Variants in CSMD3 observed in about 807,000 individuals in gnomAD.
CSMD3 encodes CUB and sushi domain-containing protein 3.
CSMD3 carries 177 observed loss-of-function variants against 435.2 expected under a neutral mutation model. The ratio of observed to expected loss-of-function variants is 0.41; its 90% confidence interval spans 0.36 to 0.46. The LOEUF is 0.46. Among genes scored for constraint, CSMD3 ranks in the 20% least tolerant of loss-of-function variants. The pLI, the probability that CSMD3 is intolerant of heterozygous loss-of-function variation, is 0.34. For missense variants in CSMD3, 4,265 were observed against 4,504.6 expected, an observed-to-expected ratio of 0.95 and a Z score of 1.52; for synonymous variants, 1,656 against 1,520.5, an observed-to-expected ratio of 1.09 and a Z score of -2.07.
At chr8:112,953,506 C>A (rs2083901249) in intron 8 of CSMD3, among the ~76,000 whole-genome samples, 1 of 151,340 alleles carries the variant, frequency 6.6e-6, no homozygotes, top group Admixed American at 6.6e-5. Flanking sequence ...CTGTTTAGTG[C>A]TTTTGAAACA....
At chr8:113,209,343 C>G (rs2092805921) in intron 3 of CSMD3, among the ~76,000 whole-genome samples, 1 of 152,060 alleles carries the variant, frequency 6.6e-6, no homozygotes, top group South Asian at 2.1e-4. Context: ...TACTATGGTA[C>G]ATGACTTATT....
intron 1 of CSMD3, among the ~76,000 whole-genome samples, chr8:113,418,158 A>T (rs891767758): frequency 6.6e-6 from 1 of 152,148 alleles, no homozygotes; most frequent in African/African-American, 2.4e-5. Flanking sequence ...GGGAGATCGA[A>T]TATGCATAAA....
intron 13 of CSMD3, among the ~76,000 whole-genome samples, chr8:112,785,027 A>T (rs2078501500): frequency 6.6e-6 from 1 of 152,036 alleles, no homozygotes; most frequent in Non-Finnish European, 1.5e-5. Context: ...AATACTCCCA[A>T]ACCTAATTCA....
chr8:112,293,117 G>A (rs993936743), intron 54 of CSMD3, among the ~76,000 whole-genome samples: 2 of 151,958 alleles, frequency 1.3e-5, no homozygotes, highest in African/African-American at 2.4e-5. Flanking sequence ...CTAGCCAGGT[G>A]TGGTGACTCA....
In CSMD3 at chr8:112,409,038, C is replaced by A. The variant is rs374931419; in HGVS notation, c.5396-6G>T. 1.9e-6 allele frequency: 3 copies of A among 1,613,142 alleles called. No individual in the cohort carries two copies. In the African/African-American group the frequency reaches 4.0e-5, roughly 22 times the overall value. On this transcript the variant is annotated splice_polypyrimidine_tract_variant and splice_region_variant and intron_variant, in intron 32 of 70. Transcript: ENST00000297405. ...TACAAACTGGCCAAACACCACTGAT[C>A]AACAGGAACCCGGAGAAGCAAACAA...
At chr8:112,501,807 G>A (rs527256114) in intron 30 of CSMD3, among the ~76,000 whole-genome samples, 1 of 152,188 alleles carries the variant, frequency 6.6e-6, no homozygotes, top group South Asian at 2.1e-4. Context: ...TCTATCAGCA[G>A]AAAAATTTAT....
chr8:112,789,695 T>C (rs1770309133), intron 13 of CSMD3, among the ~76,000 whole-genome samples: 1 of 152,050 alleles, frequency 6.6e-6, no homozygotes, highest in South Asian at 2.1e-4. Flanking sequence ...ATTATTGACA[T>C]AATGCTGTTT....
rs979658179 is a variant in CSMD3, at chr8:113,046,164, C to G, written c.918-26985G>C. ...GCCCAGTCAGCGGCCTCCTTCAGAC[C>G]TCTGCTGGGATACGACTGTCTCAGT... On this transcript the variant is annotated intron_variant, in intron 5 of 70. Transcript: ENST00000297405. Among the ~76,000 whole-genome samples, 3 of 149,010 alleles carry G rather than the reference C, an allele frequency of 2.0e-5. 1 individual carries two copies. The highest frequency in any genetic ancestry group is 4.5e-5 in the Non-Finnish European group (3 of 66,280).
chr8:112,515,797 C>A (rs748369081), intron 28 of CSMD3, among the ~76,000 whole-genome samples: 1 of 151,808 alleles, frequency 6.6e-6, no homozygotes, highest in African/African-American at 2.4e-5. Context: ...TTGTTTGGTG[C>A]ATTTAGTGTT....
At chr8:113,183,122 C>G (rs2092447936) in intron 3 of CSMD3, among the ~76,000 whole-genome samples, 1 of 151,994 alleles carries the variant, frequency 6.6e-6, no homozygotes, top group Admixed American at 6.6e-5. Flanking sequence ...CTCCTTTCTC[C>G]TGCATCCTGT....
chr8:113,070,563 C>T (rs2089066028), intron 5 of CSMD3, among the ~76,000 whole-genome samples: 1 of 151,970 alleles, frequency 6.6e-6, no homozygotes, highest in African/African-American at 2.4e-5. Flanking sequence ...ACATATTCAT[C>T]TTGCATAAAT....
At position 113,017,885 on chromosome 8, in the gene CSMD3, A is replaced by G. The variant is rs535587847; in HGVS notation, c.1030+1182T>C. Among the ~76,000 whole-genome samples the G allele has an allele frequency of 1.1e-3, 168 of 152,138 alleles. 3 individuals carry two copies. In the South Asian group the frequency reaches 0.015, roughly 14 times the overall value. Reference sequence around the variant, plus strand: ...ATATGTGAAAATAAATTTTTCTATGAAAGTTTATTTTTGAACTCTAAAGAT... The same window carrying G: ...ATATGTGAAAATAAATTTTTCTATGGAAGTTTATTTTTGAACTCTAAAGAT... On this transcript the variant is annotated intron_variant, in intron 6 of 70. Coordinates refer to ENST00000297405, the MANE Select transcript of CSMD3 (RefSeq NM_198123.2).
chr8:112,969,416 T>C (rs1221321722), intron 7 of CSMD3, among the ~76,000 whole-genome samples: 1 of 151,970 alleles, frequency 6.6e-6, no homozygotes, highest in Admixed American at 6.6e-5. Flanking sequence ...TCTTTTAAGC[T>C]CTAGTGTTGG....
intron 1 of CSMD3, among the ~76,000 whole-genome samples, chr8:113,424,025 A>G (rs999481537): frequency 5.3e-5 from 8 of 151,870 alleles, no homozygotes; most frequent in African/African-American, 1.9e-4. Context: ...TTCTTACACA[A>G]TAAGTAATTA....
intron 10 of CSMD3, among the ~76,000 whole-genome samples, chr8:112,897,742 G>A (rs1018616078): frequency 1.3e-4 from 19 of 148,372 alleles, no homozygotes; most frequent in Admixed American, 4.7e-4. Flanking sequence ...AGGGGAAGTC[G>A]TGGTAAGAAG....
At chr8:112,513,403 A>G (rs1438646656) in intron 28 of CSMD3, among the ~76,000 whole-genome samples, 1 of 152,192 alleles carries the variant, frequency 6.6e-6, no homozygotes, top group Non-Finnish European at 1.5e-5. Context: ...AAGGAAAGAG[A>G]GAGACATGGA....
intron 13 of CSMD3, among the ~76,000 whole-genome samples, chr8:112,719,908 C>T (rs1029587414): frequency 6.6e-6 from 1 of 152,088 alleles, no homozygotes; most frequent in Admixed American, 6.6e-5. Flanking sequence ...CTTAAACACC[C>T]TTGCAACTAG....
intron 1 of CSMD3, among the ~76,000 whole-genome samples, chr8:113,372,282 T>C (rs1439208094): frequency 2.0e-5 from 3 of 152,190 alleles, no homozygotes; most frequent in Admixed American, 6.5e-5. Context: ...TAGTATCCTT[T>C]GTTATCTTAT....
chr8:112,594,052 TC>T (rs1461385475), intron 22 of CSMD3, among the ~76,000 whole-genome samples: 1 of 152,130 alleles, frequency 6.6e-6, no homozygotes, highest in Non-Finnish European at 1.5e-5. Context: ...GGTCTACAGC[TC>T]CCAGTGTGAG....
Sources: gnomAD v4.1 joint callset for allele counts (sites outside exome capture counted in the v4.1 genomes callset) on GRCh38, gnomAD v4.1.1 for gene constraint, MANE v1.5 for transcripts, NCBI Gene and HGNC (gene_info 2026-07-23, HGNC 2026-07-21) for gene names.